LRFN2: variants seen among roughly 807,000 people sequenced by gnomAD.
LRFN2 encodes the protein leucine rich repeat and fibronectin type III domain containing 2, also known as leucine-rich repeat and fibronectin type-III domain-containing protein 2.
Under a neutral mutation model 37.3 loss-of-function variants are expected in LRFN2, and 18 were observed. That is an observed-to-expected ratio of 0.48 (90% confidence interval 0.33 to 0.72). The LOEUF (loss-of-function observed/expected upper bound fraction) is 0.72. LRFN2 is among the 30% of genes least tolerant of loss of function. LRFN2 has a pLI of 0.02. For missense variants in LRFN2, 1,006 were observed against 1,060.7 expected (o/e 0.95, Z 0.72); for synonymous variants, 556 against 466.6 (o/e 1.19, Z -2.47).
At chr6:40,457,528 C>A (rs1764258705) in intron 1 of LRFN2, among the ~76,000 whole-genome samples, 1 of 151,188 alleles carries the variant, frequency 6.6e-6, no homozygotes, top group Admixed American at 6.6e-5. Flanking sequence ...ATCCCAGCAC[C>A]TTGAGAGGCT....
intron 1 of LRFN2, among the ~76,000 whole-genome samples, chr6:40,580,116 T>C (rs1244111261): frequency 6.6e-6 from 1 of 152,170 alleles, no homozygotes; most frequent in Non-Finnish European, 1.5e-5. Flanking sequence ...GATCCCATCA[T>C]GAGAAATGGC....
At chr6:40,515,399 C>T (rs931021627) in intron 1 of LRFN2, among the ~76,000 whole-genome samples, 6 of 152,308 alleles carry the variant, frequency 3.9e-5, no homozygotes, top group South Asian at 2.1e-4. Context: ...GTATAAAAAG[C>T]GTGAGCTTGA....
At chr6:40,532,991 G>T (rs1234660768) in intron 1 of LRFN2, among the ~76,000 whole-genome samples, 1 of 152,226 alleles carries the variant, frequency 6.6e-6, no homozygotes, top group Non-Finnish European at 1.5e-5. Flanking sequence ...TTGTAAAAAT[G>T]CAACGGCCAA....
At chr6:40,426,506 T>G (rs1763356381) in intron 2 of LRFN2, among the ~76,000 whole-genome samples, 1 of 152,178 alleles carries the variant, frequency 6.6e-6, no homozygotes, top group Non-Finnish European at 1.5e-5. Flanking sequence ...GAATATCACA[T>G]GCTAGCGAGA....
intron 1 of LRFN2, among the ~76,000 whole-genome samples, chr6:40,582,622 T>C (rs1767424285): frequency 6.6e-6 from 1 of 151,574 alleles, no homozygotes; most frequent in Admixed American, 6.6e-5. Context: ...AAAGATGCCC[T>C]GATTTTCCGT....
chr6:40,396,134 T>C (rs1307131971), intron 2 of LRFN2, among the ~76,000 whole-genome samples: 1 of 152,216 alleles, frequency 6.6e-6, no homozygotes. Context: ...CCAGGCACTA[T>C]TGTGAGATAT....
chr6:40,422,333 G>T (rs1763247687), intron 2 of LRFN2, among the ~76,000 whole-genome samples: 1 of 152,164 alleles, frequency 6.6e-6, no homozygotes, highest in South Asian at 2.1e-4. Context: ...TACCAGTGCT[G>T]TCCAAACCCC....
intron 1 of LRFN2, among the ~76,000 whole-genome samples, chr6:40,460,415 G>T (rs1035456542): frequency 2.8e-4 from 42 of 151,992 alleles, no homozygotes; most frequent in African/African-American, 1.0e-3. Context: ...ATATAATCTT[G>T]TTCTATGGAC....
At chr6:40,557,304 C>G (rs1766908802) in intron 1 of LRFN2, among the ~76,000 whole-genome samples, 1 of 152,210 alleles carries the variant, frequency 6.6e-6, no homozygotes. Flanking sequence ...TGTCCTCTCT[C>G]AGAGATAAAG....
chr6:40,564,111 C>A (rs1474631766), intron 1 of LRFN2, among the ~76,000 whole-genome samples: 1 of 152,140 alleles, frequency 6.6e-6, no homozygotes. Flanking sequence ...CCAAGTCATA[C>A]AATCAGTAAA....
chr6:40,555,570 G>A (rs184611008), intron 1 of LRFN2, among the ~76,000 whole-genome samples: 119 of 152,296 alleles, frequency 7.8e-4, no homozygotes, highest in Non-Finnish European at 1.5e-3. Context: ...TGCAGGAGGA[G>A]GAGTCTGTGC....
chr6:40,466,718 T>A (rs1396055356), intron 1 of LRFN2, among the ~76,000 whole-genome samples: 2 of 152,130 alleles, frequency 1.3e-5, no homozygotes, highest in East Asian at 3.8e-4. Context: ...TGCCTTAATT[T>A]TTTAGCCGTA....
At chr6:40,555,274 G>A (rs1293749225) in intron 1 of LRFN2, among the ~76,000 whole-genome samples, 2 of 152,206 alleles carry the variant, frequency 1.3e-5, no homozygotes, top group African/African-American at 2.4e-5. Flanking sequence ...CTGGTGAGAG[G>A]TGAAGGCTGG....
At chr6:40,453,034 T>G (rs886201416) in intron 1 of LRFN2, among the ~76,000 whole-genome samples, 1 of 152,172 alleles carries the variant, frequency 6.6e-6, no homozygotes, top group Non-Finnish European at 1.5e-5. Context: ...GCAAACTGCA[T>G]TGACAAAATA....
intron 1 of LRFN2, among the ~76,000 whole-genome samples, chr6:40,538,401 C>T (rs1323162529): frequency 2.0e-5 from 3 of 152,294 alleles, no homozygotes; most frequent in Middle Eastern, 3.4e-3. Flanking sequence ...GGAAGCCACC[C>T]CCACCCCAGC....
At chr6:40,406,953 C>T (rs763270347) in intron 2 of LRFN2, among the ~76,000 whole-genome samples, 12 of 152,186 alleles carry the variant, frequency 7.9e-5, no homozygotes, top group Admixed American at 2.0e-4. Flanking sequence ...CCCTACATTG[C>T]CCCAGTCAGA....
chr6:40,438,886 G>T, intron 1 of LRFN2, among the ~76,000 whole-genome samples: 1 of 152,140 alleles, frequency 6.6e-6, no homozygotes, highest in East Asian at 1.9e-4. Context: ...TGTGGAACTA[G>T]GCCCTTGGTT....
chr6:40,445,369 C>T (rs1029731545), intron 1 of LRFN2, among the ~76,000 whole-genome samples: 2 of 152,172 alleles, frequency 1.3e-5, no homozygotes, highest in African/African-American at 4.8e-5. Context: ...GTATGTCCTA[C>T]CCCCTCCCAG....
At chr6:40,393,006 A>C in intron 2 of LRFN2, 94 bp from the exon 3 acceptor site, 4 of 544,040 alleles carry the variant, frequency 7.4e-6, no homozygotes, top group Non-Finnish European at 5.8e-6. Flanking sequence ...AGTGACAGAG[A>C]TGGGGAGGGG....
Sources: allele counts gnomAD v4.1 joint callset (sites outside exome capture counted in the v4.1 genomes callset), GRCh38; gene constraint gnomAD v4.1.1; transcripts MANE v1.5; gene names NCBI Gene and HGNC (gene_info 2026-07-23, HGNC 2026-07-21).